The following NOTCH2NLR variants were observed in gnomAD, a reference collection of about 807,000 sequenced individuals.
The protein encoded by NOTCH2NLR is notch 2 N-terminal like R (pseudogene).
Under a neutral mutation model 35.6 loss-of-function variants are expected in NOTCH2NLR, and 33 were observed. The observed-to-expected ratio is 0.93, with a 90% confidence interval of 0.70 to 1.24. The LOEUF is 1.24. Among genes scored for constraint, NOTCH2NLR ranks in the 50% most tolerant of loss-of-function variants. NOTCH2NLR has a pLI of 0.00. For missense variants in NOTCH2NLR, 276 were observed against 362.2 expected (o/e 0.76, Z 1.93); for synonymous variants, 103 against 141.0 (o/e 0.73, Z 1.91).
In NOTCH2NLR at chr1:120,755,942, T is replaced by TG. The variant is rs1557981782; in HGVS notation, c.74-7686_74-7685insG. On this transcript the variant is annotated intron_variant, in intron 1 of 4. Coordinates refer to ENST00000624419, the Ensembl canonical transcript of NOTCH2NLR. ...GATTTATCTCTTATTGCTTTTTTTT[T>TG]TTTTTTTTTTTTTCCTTTCAATCAA... Among the ~76,000 whole-genome samples, 8 of 96,142 alleles carry TG rather than the reference T, an allele frequency of 8.3e-5. 3 individuals are homozygous for TG. The highest frequency in any genetic ancestry group is 4.8e-4 in the East Asian group (2 of 4,194). The allele number at this position is 96,142 out of a possible 152,430, so 63.1% of individuals were successfully genotyped here.
rs1650789613 is a variant in NOTCH2NLR, at chr1:120,724,282, G to T, written c.73+32G>T. On this transcript the variant is annotated intron_variant, in intron 1 of 4. Transcript: ENST00000624419. ...ATCGGGCTGAGGGGCGCTGTCCGCGGCGCCCGGGGCTGCCACCTGGGGCGA... is the reference window on the plus strand; with the variant it reads ...ATCGGGCTGAGGGGCGCTGTCCGCGTCGCCCGGGGCTGCCACCTGGGGCGA... 1.7e-5 allele frequency: 23 copies of T among 1,375,886 alleles called. 3 individuals are homozygous for T. The Middle Eastern group carries it at 1.2e-3, about 72-fold the overall frequency. The allele number at this position is 1,375,886 out of a possible 1,614,324, so 85.2% of individuals were successfully genotyped here. A position where few individuals can be genotyped will look rare whatever the true frequency, so the allele number is the denominator to read the frequency against.
intron 1 of NOTCH2NLR, among the ~76,000 whole-genome samples, chr1:120,756,115 GAA>G (rs1651077658): frequency 8.8e-6 from 1 of 114,218 alleles, no homozygotes; most frequent in South Asian, 2.5e-4. Context: ...AAAATTTAGA[GAA>G]AGTTTTGTTT....
intron 2 of NOTCH2NLR, among the ~76,000 whole-genome samples, chr1:120,765,788 T>C (rs1382844390): frequency 0.18 from 22,598 of 123,478 alleles, 3,492 homozygotes; most frequent in African/African-American, 0.37. Context: ...CACGATGGAA[T>C]ACTATGCAGC....
At position 120,781,934 on chromosome 1, in the gene NOTCH2NLR, G is replaced by A. The variant is rs1239796178; in HGVS notation, c.156-3040G>A. On this transcript the variant is annotated intron_variant, in intron 2 of 4. Coordinates refer to ENST00000624419, the Ensembl canonical transcript of NOTCH2NLR. ...GGAGATTATAATATAGCACTGGAGC[G>A]AGTAATACAAGAGACAATAGCTATC... is the stretch of plus-strand genomic sequence containing the variant. Among the ~76,000 whole-genome samples the A allele has an allele frequency of 2.8e-5, 3 of 108,182 alleles. 1 individual carries two copies. The highest frequency in any genetic ancestry group is 2.2e-4 in the East Asian group (1 of 4,502). 71.0% of individuals were successfully genotyped at this position (108,182 alleles called of 152,430 possible).
intron 2 of NOTCH2NLR, among the ~76,000 whole-genome samples, chr1:120,770,825 G>T (rs1651255463): frequency 8.6e-6 from 1 of 116,932 alleles, no homozygotes; most frequent in Non-Finnish European, 1.6e-5. Context: ...AAGGAAGTGT[G>T]GAACATTTGA....
intron 1 of NOTCH2NLR, among the ~76,000 whole-genome samples, chr1:120,760,113 G>A (rs1361426094): frequency 1.2e-5 from 1 of 81,162 alleles, no homozygotes; most frequent in South Asian, 3.6e-4. Context: ...TTCTATCCAT[G>A]TTGTCTCAAA....
At chr1:120,724,036 C>G (rs1650784289) in exon 1 of NOTCH2NLR, 1 of 1,250,950 alleles carries the variant, frequency 8.0e-7, no homozygotes, top group South Asian at 1.7e-5. Flanking sequence ...GGCTTCGGAG[C>G]GTAGCGCCAG....
intron 2 of NOTCH2NLR, among the ~76,000 whole-genome samples, chr1:120,784,691 T>A (rs1415073283): frequency 8.4e-6 from 1 of 118,506 alleles, no homozygotes; most frequent in Non-Finnish European, 1.6e-5. Flanking sequence ...CTCCATCTAT[T>A]GTGCATCTTT....
intron 1 of NOTCH2NLR, among the ~76,000 whole-genome samples, chr1:120,729,083 CTA>C (rs1650847708): frequency 9.1e-6 from 1 of 109,458 alleles, no homozygotes; most frequent in Admixed American, 8.8e-5. Flanking sequence ...TTAGAACATT[CTA>C]TAGGAGAGGC....
chr1:120,785,156 G>A lies in NOTCH2NLR; in HGVS notation c.338G>A (p.Arg113Gln), dbSNP rs1419557940. 205 of 1,446,296 alleles carry A rather than the reference G, an allele frequency of 1.4e-4. 45 individuals carry two copies. In the East Asian group the frequency reaches 1.8e-3, roughly 13 times the overall value. 89.6% of individuals were successfully genotyped at this position (1,446,296 alleles called of 1,614,324 possible). A position where few individuals can be genotyped will look rare whatever the true frequency, so the allele number is the denominator to read the frequency against. Residue 113 changes from arginine to glutamine, a missense_variant, in exon 3 of 5, where the codon CGA becomes CAA. Coordinates refer to ENST00000624419, the Ensembl canonical transcript of NOTCH2NLR. ...ACACCTCATCCATGCTTTGTGTCTC[G>A]ACCTTGCCTGAATGGCGGCACATGC...
chr1:120,724,510 C>T lies in NOTCH2NLR; in HGVS notation c.73+260C>T, dbSNP rs1650794943. Among the ~76,000 whole-genome samples the T allele has an allele frequency of 1.7e-5, 2 of 120,238 alleles. 1 individual carries two copies. Among genetic ancestry groups the T allele is most frequent in the Non-Finnish European group, 3.3e-5 (2 of 60,986 alleles). 78.9% of individuals were successfully genotyped at this position (120,238 alleles called of 152,430 possible). ...CACGCCTCCTCGGCAGGAGGGAGGC[C>T]GGCAGCAAGTCTCAGAAACTCCTTT... On this transcript the variant is annotated intron_variant, in intron 1 of 4. Transcript: ENST00000624419.
intron 2 of NOTCH2NLR, among the ~76,000 whole-genome samples, chr1:120,778,627 A>T (rs1385297140): frequency 1.5e-5 from 1 of 66,026 alleles, no homozygotes; most frequent in African/African-American, 1.3e-4. Context: ...AAAAAAAAAA[A>T]AAAAAGCTAA....
In NOTCH2NLR at chr1:120,759,610, A is replaced by G. The variant is rs1352355728; in HGVS notation, c.74-4018A>G. Among the ~76,000 whole-genome samples, 4 of 103,340 alleles carry G rather than the reference A, an allele frequency of 3.9e-5. 1 individual carries two copies. Among genetic ancestry groups the G allele is most frequent in the Non-Finnish European group, 7.1e-5 (4 of 56,654 alleles). 67.8% of individuals were successfully genotyped at this position (103,340 alleles called of 152,430 possible). The stretch of plus-strand genomic sequence containing the variant: ...TCACTTTCATGGCTTCAGGTTATCA[A>G]AGTTTTAATTTCTCTTTGTGTGGAA... On this transcript the variant is annotated intron_variant, in intron 1 of 4. Transcript: ENST00000624419.
At chr1:120,783,462 A>G (rs1438233305) in intron 2 of NOTCH2NLR, among the ~76,000 whole-genome samples, 19,048 of 24,430 alleles carry the variant, frequency 0.78, 7,772 homozygotes, top group African/African-American at 0.87. Context: ...TAAATTATAT[A>G]CAACTTAAAG....
At chr1:120,724,530 T>A (rs1224199226) in intron 1 of NOTCH2NLR, among the ~76,000 whole-genome samples, 1 of 117,674 alleles carries the variant, frequency 8.5e-6, no homozygotes, top group Non-Finnish European at 1.7e-5. Context: ...TCTCAGAAAC[T>A]CCTTTTTCGT....
rs1316691462 is a variant in NOTCH2NLR at position 120,779,496 on chromosome 1, A to G, written c.156-5478A>G. On this transcript the variant is annotated intron_variant, in intron 2 of 4. Transcript: ENST00000624419. ...AGAGAAGAGAGAGTAAGTAAAAGTCACTGAGAGACATTGAAGAGACAGTTA... is the reference window on the plus strand; with the variant it reads ...AGAGAAGAGAGAGTAAGTAAAAGTCGCTGAGAGACATTGAAGAGACAGTTA... Among the ~76,000 whole-genome samples the G allele has an allele frequency of 5.9e-5, 7 of 119,190 alleles. 1 individual carries two copies. The highest frequency in any genetic ancestry group is 1.7e-4 in the Admixed American group (2 of 12,012). 78.2% of individuals were successfully genotyped at this position (119,190 alleles called of 152,430 possible).
At chr1:120,784,674 C>A (rs1241024016) in intron 2 of NOTCH2NLR, among the ~76,000 whole-genome samples, 4 of 118,286 alleles carry the variant, frequency 3.4e-5, no homozygotes, top group East Asian at 2.1e-4. Context: ...TTTTTCACAG[C>A]ACTTAACTCC....
At position 120,790,232 on chromosome 1, in the gene NOTCH2NLR, T is replaced by A. The variant is rs1401554773; in HGVS notation, c.416-2929T>A. On this transcript the variant is annotated intron_variant, in intron 3 of 4. Transcript: ENST00000624419. ...GCTTTCACCTTGTTAGCCAGAATGG[T>A]CTGGATCGCCTGACCTCATGATCCA... 1.9e-5 allele frequency among the ~76,000 whole-genome samples: 2 copies of A among 106,250 alleles called. 1 individual carries two copies. Among genetic ancestry groups the A allele is most frequent in the Non-Finnish European group, 3.5e-5 (2 of 57,058 alleles). 69.7% of individuals were successfully genotyped at this position (106,250 alleles called of 152,430 possible). A position where few individuals can be genotyped will look rare whatever the true frequency, so the allele number is the denominator to read the frequency against.
chr1:120,790,599 TC>T (rs1651480920), intron 3 of NOTCH2NLR, among the ~76,000 whole-genome samples: 1 of 107,254 alleles, frequency 9.3e-6, no homozygotes. Context: ...TTTCTCTTTC[TC>T]TCTCTTTCCC....
Sources: allele counts gnomAD v4.1 joint callset (sites outside exome capture counted in the v4.1 genomes callset), GRCh38; gene constraint gnomAD v4.1.1; transcripts MANE v1.5; gene names NCBI Gene and HGNC (gene_info 2026-07-23, HGNC 2026-07-21).